Variants in CNTN6 observed in about 807,000 individuals in gnomAD.
The protein encoded by CNTN6 is contactin 6.
Under a neutral mutation model 122.8 loss-of-function variants are expected in CNTN6, and 137 were observed. The observed-to-expected ratio is 1.12, with a 90% CI of 0.97 to 1.29. CNTN6 has a LOEUF of 1.29. Among genes scored for constraint, CNTN6 ranks in the 50% most tolerant of loss-of-function variants. The pLI, the probability that CNTN6 is intolerant of heterozygous loss-of-function variation, is 0.00. For synonymous variants in CNTN6, 570 were observed against 426.0 expected (o/e 1.34, Z -4.16); for missense variants, 1,634 against 1,223.4 (o/e 1.34, Z -5.01).
intron 2 of CNTN6, among the ~76,000 whole-genome samples, chr3:1,152,346 C>T (rs888563480): frequency 6.6e-6 from 1 of 152,008 alleles, no homozygotes; most frequent in African/African-American, 2.4e-5. Flanking sequence ...ACCATGTTGC[C>T]CAGGCTGGTC....
At chr3:1,151,652 C>T (rs2092845054) in intron 2 of CNTN6, among the ~76,000 whole-genome samples, 2 of 152,118 alleles carry the variant, frequency 1.3e-5, no homozygotes, top group Non-Finnish European at 2.9e-5. Flanking sequence ...TTGATGTTGA[C>T]CTTCAACAAT....
At chr3:1,126,957 A>G (rs1442774869) in intron 1 of CNTN6, among the ~76,000 whole-genome samples, 1 of 151,858 alleles carries the variant, frequency 6.6e-6, no homozygotes, top group African/African-American at 2.4e-5. Context: ...TGGAATCTCA[A>G]TATCCTAAGT....
At chr3:1,291,430 A>G (rs573163481) in intron 5 of CNTN6, among the ~76,000 whole-genome samples, 23 of 152,316 alleles carry the variant, frequency 1.5e-4, no homozygotes, top group African/African-American at 5.0e-4. Context: ...GTTGAAGAAT[A>G]CAAAGATTTC....
chr3:1,108,690 AT>A lies in CNTN6; in HGVS notation c.-83+15573del, dbSNP rs368366045. On this transcript the variant is annotated intron_variant, in intron 1 of 22. Transcript: ENST00000446702. The stretch of plus-strand genomic sequence containing the variant: ...GGAGTCTTTGCCAGATTTGATTTGT[AT>A]TTGCACTTTTAATTTTGTAAATAAA... Among the ~76,000 whole-genome samples the A allele has an allele frequency of 3.7e-4, 56 of 152,166 alleles. 1 individual carries two copies. In the East Asian group the frequency reaches 8.5e-3, roughly 23 times the overall value.
At chr3:1,171,895 C>G (rs1326767343) in intron 2 of CNTN6, among the ~76,000 whole-genome samples, 2 of 152,162 alleles carry the variant, frequency 1.3e-5, no homozygotes, top group African/African-American at 4.8e-5. Context: ...GCGTGAGCTA[C>G]CACACTCGGC....
At chr3:1,401,823 T>C (rs1695751019) in intron 21 of CNTN6, among the ~76,000 whole-genome samples, 1 of 152,066 alleles carries the variant, frequency 6.6e-6, no homozygotes, top group Admixed American at 6.6e-5. Flanking sequence ...TGATGGCTTA[T>C]GTGCATAGTA....
chr3:1,330,287 T>C (rs1258134198), intron 11 of CNTN6, among the ~76,000 whole-genome samples: 1 of 151,910 alleles, frequency 6.6e-6, no homozygotes, highest in Non-Finnish European at 1.5e-5. Context: ...GAGACACTCA[T>C]TGGCACACAC....
chr3:1,245,539 G>A (rs1575404126), intron 4 of CNTN6, among the ~76,000 whole-genome samples: 1 of 149,844 alleles, frequency 6.7e-6, no homozygotes. Flanking sequence ...TTGGGGGAAA[G>A]GGTGGGGGTT....
At chr3:1,104,981 T>C (rs1286453905) in intron 1 of CNTN6, among the ~76,000 whole-genome samples, 1 of 152,158 alleles carries the variant, frequency 6.6e-6, no homozygotes, top group African/African-American at 2.4e-5. Flanking sequence ...CTATGGTACA[T>C]ATCCTTGTAC....
chr3:1,378,492 A>G (rs949632694), intron 17 of CNTN6, among the ~76,000 whole-genome samples: 5 of 152,142 alleles, frequency 3.3e-5, no homozygotes, highest in Admixed American at 3.3e-4. Flanking sequence ...ATCTTGTTTC[A>G]TGTGGACATT....
chr3:1,393,863 GA>G (rs1694613848), intron 20 of CNTN6, among the ~76,000 whole-genome samples: 2 of 151,836 alleles, frequency 1.3e-5, no homozygotes, highest in Non-Finnish European at 2.9e-5. Context: ...AATTCTTATT[GA>G]GATTTTCTGT....
intron 11 of CNTN6, among the ~76,000 whole-genome samples, chr3:1,339,055 C>T (rs1703510678): frequency 2.0e-5 from 3 of 151,772 alleles, no homozygotes; most frequent in Admixed American, 1.3e-4. Context: ...GTGAAGCTGT[C>T]AGAGCACTCT....
At chr3:1,305,661 T>A (rs985325002) in intron 7 of CNTN6, among the ~76,000 whole-genome samples, 1 of 150,664 alleles carries the variant, frequency 6.6e-6, no homozygotes, top group Non-Finnish European at 1.5e-5. Context: ...ACCAAACATA[T>A]TTTCCTTTTT....
rs767734909 is a variant in CNTN6 at position 1,402,431 on chromosome 3, C to A, written c.2931C>A (p.Val977=). 6.2e-7 allele frequency: 1 copy of A among 1,612,130 alleles called. No homozygotes were observed. Among genetic ancestry groups the A allele is most frequent in the Non-Finnish European group, 8.5e-7 (1 of 1,178,738 alleles). The part of the protein sequence containing the change: ...EEDYLIEIRT[V]SDGGDGSSSE... Reference sequence around the variant, plus strand: ...ACTACTTAATTGAAATAAGAACAGTCAGTGATGGTGGAGATGGAAGCAGCA... The same window carrying A: ...ACTACTTAATTGAAATAAGAACAGTAAGTGATGGTGGAGATGGAAGCAGCA... Residue 977 remains valine (V), a synonymous_variant, in exon 22 of 23, where the codon GTC becomes GTA. Transcript: ENST00000446702.
At chr3:1,164,452 AC>A (rs2093201759) in intron 2 of CNTN6, among the ~76,000 whole-genome samples, 1 of 152,270 alleles carries the variant, frequency 6.6e-6, no homozygotes, top group Non-Finnish European at 1.5e-5. Flanking sequence ...CCTCTATTTT[AC>A]ATGATTCACA....
chr3:1,227,893 C>A lies in CNTN6; in HGVS notation c.258C>A (p.Ile86=). The A allele has an allele frequency of 1.2e-6, 2 of 1,613,920 alleles. No individual in the cohort carries two copies. Among genetic ancestry groups the A allele is most frequent in the Non-Finnish European group, 1.7e-6 (2 of 1,179,946 alleles). Residue 86 remains isoleucine, a synonymous_variant, in exon 4 of 23, where the codon ATC becomes ATA. Transcript: ENST00000446702. ...HYRLDGGSLA[I]NSPHTDQDIG... is the part of the protein sequence containing the mutation. ...GGTTGGATGGAGGCAGTCTTGCAAT[C>A]AATAGCCCCCACACAGATCAAGATA... is the stretch of plus-strand genomic sequence containing the variant.
chr3:1,213,015 G>A (rs1185472865), intron 2 of CNTN6, among the ~76,000 whole-genome samples: 1 of 152,136 alleles, frequency 6.6e-6, no homozygotes, highest in African/African-American at 2.4e-5. Context: ...ATGACCTAAA[G>A]TTACTTAGAA....
At chr3:1,289,859 A>G (rs532489224) in intron 5 of CNTN6, among the ~76,000 whole-genome samples, 1 of 151,134 alleles carries the variant, frequency 6.6e-6, no homozygotes, top group Non-Finnish European at 1.5e-5. Flanking sequence ...TGTTTTTGGT[A>G]GAGACGGGGT....
chr3:1,270,310 G>T (rs1429914788), intron 4 of CNTN6, among the ~76,000 whole-genome samples: 1 of 152,118 alleles, frequency 6.6e-6, no homozygotes, highest in African/African-American at 2.4e-5. Flanking sequence ...ATTCATAACT[G>T]GTCCTCTTCA....
Sources: allele counts gnomAD v4.1 joint callset (sites outside exome capture counted in the v4.1 genomes callset), GRCh38; gene constraint gnomAD v4.1.1; transcripts MANE v1.5; gene names NCBI Gene and HGNC (gene_info 2026-07-23, HGNC 2026-07-21).